Variants in PRPF38A observed in about 807,000 individuals in gnomAD.
The protein encoded by PRPF38A is pre-mRNA-splicing factor 38A.
In PRPF38A, 11 loss-of-function variants were observed where a neutral mutation model predicts 46.8. The ratio of observed to expected loss-of-function variants is 0.24; its 90% confidence interval spans 0.15 to 0.39. The LOEUF (loss-of-function observed/expected upper bound fraction) is 0.39, where lower values mean the gene tolerates loss of function less well. Ranked by LOEUF, PRPF38A falls within the 10% of genes least tolerant of loss-of-function variation. PRPF38A has a pLI of 1.00. For synonymous variants in PRPF38A, 124 were observed against 136.2 expected (o/e 0.91, Z 0.62); for missense variants, 261 against 407.5 (o/e 0.64, Z 3.10).
Position 52,416,941 on chromosome 1 carries a change from G to T in PRPF38A, c.*251G>T. On this transcript the variant is annotated 3_prime_UTR_variant, in exon 10 of 10. Transcript: ENST00000257181. ...TGAGAGTATAAAGGATCTGGAGGTTGGGGATATGACTGACAAGGAAAGGCT... is the reference window on the plus strand; with the variant it reads ...TGAGAGTATAAAGGATCTGGAGGTTTGGGATATGACTGACAAGGAAAGGCT... The T allele has an allele frequency of 2.2e-6, 1 of 461,582 alleles. No homozygotes were observed. Among genetic ancestry groups the T allele is most frequent in the Non-Finnish European group, 3.9e-6 (1 of 253,688 alleles). The allele number at this position is 461,582 out of a possible 1,614,324, so 28.6% of individuals were successfully genotyped here. A position where few individuals can be genotyped will look rare whatever the true frequency, so the allele number is the denominator to read the frequency against.
chr1:52,415,369 C>T lies in PRPF38A; in HGVS notation c.879C>T (p.His293=), dbSNP rs375360012. Residue 293 remains histidine (H), a synonymous_variant, in exon 9 of 10, where the codon CAC becomes CAT. Transcript: ENST00000257181. The part of the protein sequence containing the change: ...GHHRSHRHRS[H]SKSPERSKKS... Reference sequence around the variant, plus strand: ...ACCGTAGTCACAGACACAGGAGCCACTCAAAGTCTCCCGAAAGGTAATGAA... The same window carrying T: ...ACCGTAGTCACAGACACAGGAGCCATTCAAAGTCTCCCGAAAGGTAATGAA... 6.2e-7 allele frequency: 1 copy of T among 1,613,886 alleles called. No homozygotes were observed. Among genetic ancestry groups the T allele is most frequent in the Non-Finnish European group, 8.5e-7 (1 of 1,179,814 alleles).
intron 2 of PRPF38A, among the ~76,000 whole-genome samples, chr1:52,407,919 G>C (rs1648042826): frequency 6.6e-6 from 1 of 152,272 alleles, no homozygotes; most frequent in Admixed American, 6.5e-5. Flanking sequence ...GGCTGGGTGT[G>C]TTGGCACATG....
chr1:52,405,028 G>T (rs1341811802), intron 1 of PRPF38A, 149 bp downstream of exon 1: 13 of 818,958 alleles, frequency 1.6e-5, no homozygotes, highest in Non-Finnish European at 2.0e-6. Flanking sequence ...CCTGCTAAGT[G>T]CCTCGTCTTG....
intron 8 of PRPF38A, 84 bp from the exon 9 acceptor site, chr1:52,415,254 A>G (rs565376530): frequency 1.5e-6 from 2 of 1,366,026 alleles, no homozygotes; most frequent in Admixed American, 1.9e-5. Flanking sequence ...TATTAAGCCA[A>G]TGGCAGGTAT....
In PRPF38A at chr1:52,405,684, A is replaced by G. The variant is rs1352634591; in HGVS notation, c.135A>G (p.Glu45=). The G allele has an allele frequency of 1.2e-6, 2 of 1,612,722 alleles. No individual in the cohort carries two copies. Among genetic ancestry groups the G allele is most frequent in the Non-Finnish European group, 1.7e-6 (2 of 1,179,912 alleles). The change falls in exon 2 of 10, where the codon GAA becomes GAG. Residue 45 remains glutamate, a synonymous_variant. Coordinates refer to ENST00000257181, the MANE Select transcript of PRPF38A (RefSeq NM_032864.4). ...TGTATTGTTTTTGTTTTTTAGCTGAACTTGTAGTCGATAAAGCCATGGAGT... is the reference window on the plus strand; with the variant it reads ...TGTATTGTTTTTGTTTTTTAGCTGAGCTTGTAGTCGATAAAGCCATGGAGT... ...WKEECFGLTA[E]LVVDKAMELR... is the part of the protein sequence containing the mutation.
chr1:52,406,010 A>C (rs1327336406), intron 2 of PRPF38A, among the ~76,000 whole-genome samples, 171 bp downstream of exon 2: 1 of 152,040 alleles, frequency 6.6e-6, no homozygotes, highest in African/African-American at 2.4e-5. Flanking sequence ...TGTTTTGGAA[A>C]CAGAGTCTCT....
At chr1:52,410,234 G>A (rs1213765944) in intron 3 of PRPF38A, among the ~76,000 whole-genome samples, 5 of 148,128 alleles carry the variant, frequency 3.4e-5, no homozygotes, top group Admixed American at 6.7e-5. Context: ...CCCGGGAGGC[G>A]GAGGTTGCAG....
chr1:52,405,235 A>G (rs1170084828), intron 1 of PRPF38A, among the ~76,000 whole-genome samples: 1 of 152,216 alleles, frequency 6.6e-6, no homozygotes, highest in Non-Finnish European at 1.5e-5. Flanking sequence ...GCCTGAAACC[A>G]AATTCATGAT....
chr1:52,413,636 T>C lies in PRPF38A; in HGVS notation c.610-243T>C, dbSNP rs1436719256. 1.3e-5 allele frequency among the ~76,000 whole-genome samples: 2 copies of C among 152,038 alleles called. 1 individual carries two copies. Among genetic ancestry groups the C allele is most frequent in the Non-Finnish European group, 2.9e-5 (2 of 67,978 alleles). ...TGCAGATAAACTAAACATACACACA[T>C]ACACACACACAGGTCTGTTTCTGTT... On this transcript the variant is annotated intron_variant, in intron 5 of 9. Coordinates refer to ENST00000257181, the MANE Select transcript of PRPF38A (RefSeq NM_032864.4).
In PRPF38A at chr1:52,417,647, G is replaced by A. The variant is rs776516645; in HGVS notation, c.*957G>A. ...GCTAAAAACAAAAGCCCATAAAGTT[G>A]GAGATAGGGACCAGAGTTTAACATA... On this transcript the variant is annotated 3_prime_UTR_variant, in exon 10 of 10. Coordinates refer to ENST00000257181, the MANE Select transcript of PRPF38A (RefSeq NM_032864.4). 6.6e-6 allele frequency: 1 copy of A among 152,154 alleles called. No individual in the cohort carries two copies. Among genetic ancestry groups the A allele is most frequent in the Non-Finnish European group, 1.5e-5 (1 of 68,036 alleles). 9.4% of individuals were successfully genotyped at this position (152,154 alleles called of 1,614,324 possible).
chr1:52,416,445 A>T (rs1359098362), intron 9 of PRPF38A, among the ~76,000 whole-genome samples: 1 of 151,730 alleles, frequency 6.6e-6, no homozygotes, highest in Non-Finnish European at 1.5e-5. Context: ...AGTAGCTGGG[A>T]TTACAGGTGC....
At chr1:52,410,599 T>C (rs534917610) in intron 3 of PRPF38A, among the ~76,000 whole-genome samples, 1 of 151,886 alleles carries the variant, frequency 6.6e-6, no homozygotes, top group South Asian at 2.1e-4. Flanking sequence ...CCTCCCAGGT[T>C]CAAATAATTC....
intron 3 of PRPF38A, among the ~76,000 whole-genome samples, chr1:52,410,163 A>G (rs962963430): frequency 6.9e-5 from 10 of 145,494 alleles, no homozygotes; most frequent in African/African-American, 2.5e-4. Context: ...TAATTTATAT[A>G]TAATATAAAT....
intron 7 of PRPF38A, 44 bp from the exon 8 acceptor site, chr1:52,414,716 GTA>G (rs1648241555): frequency 3.7e-6 from 6 of 1,613,452 alleles, no homozygotes; most frequent in Middle Eastern, 1.6e-4. Context: ...GGTGTTATAT[GTA>G]TATTGCTAAC....
chr1:52,409,010 C>G (rs1249113909), intron 3 of PRPF38A: 1 of 214,932 alleles, frequency 4.7e-6, no homozygotes, highest in Admixed American at 5.2e-5. Context: ...CCATAAAAAC[C>G]TTCCCCAGCC....
At position 52,418,255 on chromosome 1, in the gene PRPF38A, G is replaced by C. The variant is rs1165816930; in HGVS notation, c.*1565G>C. 6.6e-6 allele frequency: 1 copy of C among 152,428 alleles called. No individual in the cohort carries two copies. Among genetic ancestry groups the C allele is most frequent in the Admixed American group, 6.5e-5 (1 of 15,288 alleles). The allele number at this position is 152,428 out of a possible 1,614,324, so 9.4% of individuals were successfully genotyped here. On this transcript the variant is annotated 3_prime_UTR_variant, in exon 10 of 10. Transcript: ENST00000257181. Reference sequence around the variant, plus strand: ...AAAAGTGGTCTGAAAGAGCTCTTACGGTTTCTGATAGAACTATATAGGACT... The same window carrying C: ...AAAAGTGGTCTGAAAGAGCTCTTACCGTTTCTGATAGAACTATATAGGACT...
intron 5 of PRPF38A, 25 bp downstream of exon 5, chr1:52,412,649 T>C (rs200327347): frequency 7.0e-7 from 1 of 1,420,370 alleles, no homozygotes; most frequent in Admixed American, 1.8e-5. Context: ...ACTTTTATGG[T>C]TGTAGGGGAG....
Position 52,404,845 on chromosome 1 carries a change from C to T in PRPF38A, c.96C>T (p.Ser32=), listed in dbSNP as rs769510356. ...TCATTCGAACGCGAATCTATGAGTC[C>T]AAGTACTGGAAAGAGGAGTGCTTTG... The part of the protein sequence containing the change: ...EKIIRTRIYE[S]KYWKEECFGL... The change falls in exon 1 of 10, where the codon TCC becomes TCT. Residue 32 remains serine, a synonymous_variant. Coordinates refer to ENST00000257181, the MANE Select transcript of PRPF38A (RefSeq NM_032864.4). 23 of 1,614,114 alleles carry T rather than the reference C, an allele frequency of 1.4e-5. No homozygotes were observed. In the South Asian group the frequency reaches 2.3e-4, roughly 16 times the overall value.
At position 52,405,904 on chromosome 1, in the gene PRPF38A, G is replaced by A. The variant is rs181263033; in HGVS notation, c.290+65G>A. 3.0e-6 allele frequency: 4 copies of A among 1,354,102 alleles called. No individual in the cohort carries two copies. In the Admixed American group the frequency reaches 5.1e-5, roughly 17 times the overall value. 83.9% of individuals were successfully genotyped at this position (1,354,102 alleles called of 1,614,324 possible). A position where few individuals can be genotyped will look rare whatever the true frequency, so the allele number is the denominator to read the frequency against. The stretch of plus-strand genomic sequence containing the variant: ...TTTGGCGGTTTAGAATTGGGCTTTG[G>A]TTAAGAGGGGTGTACACAATGTATC... On this transcript the variant is annotated intron_variant, in intron 2 of 9. Transcript: ENST00000257181.
Sources: gnomAD v4.1 joint callset for allele counts (sites outside exome capture counted in the v4.1 genomes callset) on GRCh38, gnomAD v4.1.1 for gene constraint, MANE v1.5 for transcripts, NCBI Gene and HGNC (gene_info 2026-07-23, HGNC 2026-07-21) for gene names.